TES: variants seen among roughly 807,000 people sequenced by gnomAD.
The protein encoded by TES is testin LIM domain protein.
A neutral mutation model predicts 48.2 loss-of-function variants in TES; 41 were observed. The ratio of observed to expected loss-of-function variants is 0.85; its 90% CI spans 0.66 to 1.10. The LOEUF (loss-of-function observed/expected upper bound fraction) is 1.10, where lower values mean the gene tolerates loss of function less well. Among genes scored for constraint, TES ranks in the 50% least tolerant of loss-of-function variants. The pLI is 0.00. For missense variants in TES, 463 were observed against 515.1 expected, an observed-to-expected ratio of 0.90 and a Z score of 0.98; for synonymous variants, 162 against 174.9, an observed-to-expected ratio of 0.93 and a Z score of 0.58.
intron 1 of TES, chr7:116,218,122 C>A: frequency 2.9e-6 from 1 of 343,300 alleles, no homozygotes; most frequent in Non-Finnish European, 5.8e-6. Flanking sequence ...GAGATCTCAT[C>A]TGCTGAATGA....
intron 1 of TES, among the ~76,000 whole-genome samples, chr7:116,212,738 A>G (rs143803563): frequency 6.6e-6 from 1 of 152,296 alleles, no homozygotes; most frequent in East Asian, 1.9e-4. Context: ...GAAAATGTGG[A>G]TTATGATAAA....
Position 116,257,851 on chromosome 7 carries a change from T to TC in TES, c.*374dup. 6.3e-6 allele frequency: 1 copy of TC among 158,434 alleles called. No homozygotes were observed. The highest frequency in any genetic ancestry group is 1.9e-4 in the South Asian group (1 of 5,246). The allele number at this position is 158,434 out of a possible 1,614,324, so 9.8% of individuals were successfully genotyped here. ...CATTCCTAGTTCTACACTTCTTTTT[T>TC]CCCCCTCATGTGTAAAATGAAAAGA... On this transcript the variant is annotated 3_prime_UTR_variant, in exon 7 of 7. Coordinates refer to ENST00000358204, the MANE Select transcript of TES (RefSeq NM_015641.4).
intron 2 of TES, among the ~76,000 whole-genome samples, chr7:116,238,664 C>G (rs1195932120): frequency 6.6e-6 from 1 of 151,466 alleles, no homozygotes; most frequent in East Asian, 1.9e-4. Flanking sequence ...TGCAATGGTG[C>G]GATCTCGGCT....
intron 2 of TES, among the ~76,000 whole-genome samples, chr7:116,238,615 T>TA (rs10524020): frequency 0.098 from 14,541 of 148,118 alleles, 851 homozygotes; most frequent in South Asian, 0.19. Flanking sequence ...TTATTATTAT[T>TA]TTTGAGATGG....
At chr7:116,253,554 T>A (rs1800049619) in intron 6 of TES, among the ~76,000 whole-genome samples, 1 of 152,190 alleles carries the variant, frequency 6.6e-6, no homozygotes, top group Admixed American at 6.5e-5. Context: ...ATTAAACTTT[T>A]GATAGATCTG....
intron 1 of TES, among the ~76,000 whole-genome samples, chr7:116,216,941 T>A (rs1308657099): frequency 1.3e-5 from 2 of 152,232 alleles, no homozygotes; most frequent in East Asian, 3.9e-4. Context: ...GTTAAAATAA[T>A]TTTAAAAGAT....
At chr7:116,220,349 G>A (rs1799541976) in intron 1 of TES, among the ~76,000 whole-genome samples, 2 of 152,090 alleles carry the variant, frequency 1.3e-5, no homozygotes, top group African/African-American at 4.8e-5. Context: ...TAAGCCAGAG[G>A]GTAGGATCAT....
intron 2 of TES, among the ~76,000 whole-genome samples, chr7:116,248,508 A>G (rs1360649722): frequency 2.0e-5 from 3 of 152,148 alleles, no homozygotes; most frequent in Non-Finnish European, 4.4e-5. Context: ...GCATCTCATC[A>G]TCGTTTTGAT....
rs373358489 is a variant in TES at position 116,232,670 on chromosome 7, A to G, written c.28-1864A>G. ...TCCCTCTGTCTTTTGTTTAACCTAC[A>G]TTATTTCCATACTGTGTGAACTGTG... On this transcript the variant is annotated intron_variant, in intron 1 of 6. Transcript: ENST00000358204. 1.8e-4 allele frequency among the ~76,000 whole-genome samples: 28 copies of G among 152,348 alleles called. 1 individual carries two copies. The East Asian group carries it at 2.3e-3, about 13-fold the overall frequency.
At chr7:116,229,556 ACT>A (rs945710949) in intron 1 of TES, among the ~76,000 whole-genome samples, 1 of 152,050 alleles carries the variant, frequency 6.6e-6, no homozygotes, top group Non-Finnish European at 1.5e-5. Flanking sequence ...TTCTTGTGAC[ACT>A]CTGCCCAAAA....
chr7:116,222,256 CA>C (rs1401291012), intron 1 of TES, among the ~76,000 whole-genome samples: 1 of 152,038 alleles, frequency 6.6e-6, no homozygotes, highest in Non-Finnish European at 1.5e-5. Flanking sequence ...TAATTTGGGG[CA>C]AAAGAGAAAA....
intron 1 of TES, among the ~76,000 whole-genome samples, chr7:116,231,523 G>C (rs1370381025): frequency 2.0e-5 from 3 of 152,100 alleles, no homozygotes; most frequent in African/African-American, 7.2e-5. Flanking sequence ...GATGTACATT[G>C]CTTCAGTCTG....
chr7:116,247,637 T>C (rs772188540), intron 2 of TES, among the ~76,000 whole-genome samples: 4 of 152,208 alleles, frequency 2.6e-5, no homozygotes, highest in Non-Finnish European at 5.9e-5. Flanking sequence ...CTTCTCGTTA[T>C]CATATCAGAA....
chr7:116,240,463 C>T (rs1182371864), intron 2 of TES, among the ~76,000 whole-genome samples: 1 of 151,996 alleles, frequency 6.6e-6, no homozygotes, highest in Non-Finnish European at 1.5e-5. Flanking sequence ...TTCTCTCTCT[C>T]TCACTCCTTC....
At chr7:116,218,619 G>C (rs898229795) in intron 1 of TES, among the ~76,000 whole-genome samples, 1 of 152,044 alleles carries the variant, frequency 6.6e-6, no homozygotes, top group East Asian at 1.9e-4. Context: ...GTGCAGTTTA[G>C]ATTTAAAACT....
At chr7:116,212,081 G>A (rs1006456542) in intron 1 of TES, among the ~76,000 whole-genome samples, 8 of 152,080 alleles carry the variant, frequency 5.3e-5, no homozygotes, top group Admixed American at 3.9e-4. Flanking sequence ...GAAAAGCGGG[G>A]AAAGCATTTT....
intron 1 of TES, among the ~76,000 whole-genome samples, chr7:116,218,534 T>C (rs1226248674): frequency 6.6e-6 from 1 of 152,202 alleles, no homozygotes; most frequent in East Asian, 1.9e-4. Flanking sequence ...TTTTCCTTTA[T>C]GAGATACTGG....
In TES at chr7:116,249,048, C is replaced by T. The variant is rs894839574; in HGVS notation, c.142C>T (p.Gln48Ter). The change falls in exon 3 of 7, where the codon CAA (glutamine) becomes TAA (stop). Residue 48 changes from glutamine (Q) to a stop codon, truncating the protein, a stop_gained. Transcript: ENST00000358204. LOFTEE classifies it high-confidence loss of function. Reference protein sequence around the residue: ...RKICRNCKCGQEEHDVLLSNE... With the variant: ...RKICRNCKCG ...AATATGTCGTAACTGCAAGTGTGGC[C>T]AAGAAGAGCATGATGTCCTCTTGAG... 9.9e-6 allele frequency: 16 copies of T among 1,608,302 alleles called. No homozygotes were observed. The highest frequency in any genetic ancestry group is 1.4e-5 in the Non-Finnish European group (16 of 1,176,212).
intron 1 of TES, among the ~76,000 whole-genome samples, chr7:116,225,253 T>C (rs1799608714): frequency 6.6e-6 from 1 of 151,818 alleles, no homozygotes; most frequent in Non-Finnish European, 1.5e-5. Context: ...TCTGCTCTTC[T>C]TCAAATATGT....
Sources: gnomAD v4.1 joint callset for allele counts (sites outside exome capture counted in the v4.1 genomes callset) on GRCh38, gnomAD v4.1.1 for gene constraint, MANE v1.5 for transcripts, NCBI Gene and HGNC (gene_info 2026-07-23, HGNC 2026-07-21) for gene names.